Variants in GALNTL6 observed in about 807,000 individuals in gnomAD.
The protein encoded by GALNTL6 is polypeptide N-acetylgalactosaminyltransferase-like 6.
A neutral mutation model predicts 73.7 loss-of-function variants in GALNTL6; 46 were observed. That is an observed-to-expected ratio of 0.62 (90% CI 0.49 to 0.80). The LOEUF is 0.80. GALNTL6 is among the 30% of genes least tolerant of loss of function. GALNTL6 has a pLI of 0.00. For missense variants in GALNTL6, 604 were observed against 755.0 expected, an observed-to-expected ratio of 0.80 and a Z score of 2.34; for synonymous variants, 259 against 263.7, an observed-to-expected ratio of 0.98 and a Z score of 0.17.
intron 9 of GALNTL6, among the ~76,000 whole-genome samples, chr4:172,951,239 T>C (rs542799288): frequency 6.6e-6 from 1 of 152,236 alleles, no homozygotes; most frequent in Admixed American, 6.5e-5. Context: ...ACCCCCGTGA[T>C]GCAGGTATGT....
intron 2 of GALNTL6, among the ~76,000 whole-genome samples, chr4:172,084,224 A>G (rs1400906269): frequency 2.0e-5 from 3 of 152,224 alleles, no homozygotes; most frequent in Non-Finnish European, 4.4e-5. Context: ...GATTGGTAAA[A>G]TATATGTGAG....
At chr4:172,590,798 C>T (rs1261901915) in intron 5 of GALNTL6, among the ~76,000 whole-genome samples, 2 of 152,064 alleles carry the variant, frequency 1.3e-5, no homozygotes, top group Non-Finnish European at 2.9e-5. Flanking sequence ...AAATTCAACA[C>T]TTTTCTGACA....
intron 12 of GALNTL6, 67 bp downstream of exon 12, chr4:173,021,692 T>C: frequency 6.5e-7 from 1 of 1,543,280 alleles, no homozygotes; most frequent in Non-Finnish European, 8.9e-7. Flanking sequence ...CTCAGTTTTC[T>C]TTGAAAACAC....
chr4:172,432,125 A>G (rs1469554375), intron 5 of GALNTL6, among the ~76,000 whole-genome samples: 1 of 152,068 alleles, frequency 6.6e-6, no homozygotes, highest in Non-Finnish European at 1.5e-5. Context: ...ATCACATATC[A>G]TAATAGAATT....
At chr4:172,683,133 G>T (rs914290570) in intron 5 of GALNTL6, among the ~76,000 whole-genome samples, 7 of 152,076 alleles carry the variant, frequency 4.6e-5, no homozygotes, top group African/African-American at 1.7e-4. Context: ...AGACGTTTTG[G>T]CCAAAGTCAG....
chr4:172,744,240 A>T (rs1034360959), intron 5 of GALNTL6, among the ~76,000 whole-genome samples: 5 of 152,106 alleles, frequency 3.3e-5, no homozygotes, highest in African/African-American at 1.2e-4. Context: ...TGATGGGTAT[A>T]ATGGCATTTT....
intron 5 of GALNTL6, among the ~76,000 whole-genome samples, chr4:172,435,774 A>G (rs1288491544): frequency 6.6e-6 from 1 of 152,190 alleles, no homozygotes; most frequent in Non-Finnish European, 1.5e-5. Flanking sequence ...CGAAGATATA[A>G]CTAGTAAACG....
chr4:172,460,793 G>T (rs1043630541), intron 5 of GALNTL6, among the ~76,000 whole-genome samples: 12 of 152,206 alleles, frequency 7.9e-5, no homozygotes, highest in African/African-American at 2.9e-4. Flanking sequence ...TTCAACTATT[G>T]TGGAAGACAG....
intron 5 of GALNTL6, among the ~76,000 whole-genome samples, chr4:172,361,349 G>A (rs72986340): frequency 0.031 from 4,715 of 152,064 alleles, 239 homozygotes; most frequent in African/African-American, 0.1. Flanking sequence ...TTAGTGGCAG[G>A]TATAGAAAAT....
intron 3 of GALNTL6, among the ~76,000 whole-genome samples, chr4:172,286,446 G>A (rs187012912): frequency 6.6e-6 from 1 of 152,322 alleles, no homozygotes; most frequent in Non-Finnish European, 1.5e-5. Context: ...TGGAGAGATA[G>A]TGTTTGGCAG....
chr4:171,879,249 G>C (rs550984571), intron 2 of GALNTL6, among the ~76,000 whole-genome samples: 1 of 152,204 alleles, frequency 6.6e-6, no homozygotes, highest in South Asian at 2.1e-4. Flanking sequence ...AGATAGGTAT[G>C]TTATGTTAAT....
At chr4:172,559,997 A>G (rs1257260518) in intron 5 of GALNTL6, among the ~76,000 whole-genome samples, 1 of 152,228 alleles carries the variant, frequency 6.6e-6, no homozygotes, top group African/African-American at 2.4e-5. Context: ...TCCAAAATCA[A>G]CAAATCTATG....
chr4:172,473,826 A>G (rs1733137515), intron 5 of GALNTL6, among the ~76,000 whole-genome samples: 1 of 152,156 alleles, frequency 6.6e-6, no homozygotes, highest in Non-Finnish European at 1.5e-5. Context: ...TCAAATTGAT[A>G]TCTCCATTCT....
chr4:172,941,329 TG>T (rs1748909629), intron 9 of GALNTL6, among the ~76,000 whole-genome samples: 1 of 152,236 alleles, frequency 6.6e-6, no homozygotes, highest in Non-Finnish European at 1.5e-5. Flanking sequence ...ATCTGAATAG[TG>T]ATCCCAGATA....
intron 10 of GALNTL6, among the ~76,000 whole-genome samples, chr4:172,996,654 G>T (rs906493564): frequency 3.3e-5 from 5 of 152,170 alleles, no homozygotes; most frequent in Admixed American, 6.5e-5. Context: ...CAAAGAGTAA[G>T]TCCAAGCTAG....
intron 5 of GALNTL6, among the ~76,000 whole-genome samples, chr4:172,758,788 A>C (rs917617822): frequency 5.9e-5 from 9 of 152,222 alleles, no homozygotes; most frequent in African/African-American, 1.7e-4. Context: ...TGATGTAAAC[A>C]CTACCCATCT....
intron 3 of GALNTL6, among the ~76,000 whole-genome samples, chr4:172,258,752 A>G (rs935448020): frequency 6.6e-6 from 1 of 151,088 alleles, no homozygotes; most frequent in Non-Finnish European, 1.5e-5. Context: ...CCTCCATCCC[A>G]TCATTCCTGT....
intron 5 of GALNTL6, among the ~76,000 whole-genome samples, chr4:172,532,638 A>G (rs1309055663): frequency 1.6e-4 from 24 of 152,206 alleles, no homozygotes; most frequent in Admixed American, 1.6e-3. Flanking sequence ...TTAATCCTTA[A>G]AGGCAAATTT....
chr4:172,533,316 A>ATTTTTTTTTTTTT, intron 5 of GALNTL6, among the ~76,000 whole-genome samples: 1 of 77,394 alleles, frequency 1.3e-5, no homozygotes, highest in Non-Finnish European at 2.2e-5. Context: ...CCCGGCCAGA[A>ATTTTTTTTTTTTT]TTTTTTTTTT....
Sources: gnomAD v4.1 joint callset for allele counts (sites outside exome capture counted in the v4.1 genomes callset) on GRCh38, gnomAD v4.1.1 for gene constraint, MANE v1.5 for transcripts, NCBI Gene and HGNC (gene_info 2026-07-23, HGNC 2026-07-21) for gene names.